Variants in ABLIM1 observed in about 807,000 individuals in gnomAD.
The protein encoded by ABLIM1 is actin-binding LIM protein 1.
ABLIM1 carries 40 observed loss-of-function variants against 107.0 expected under a neutral mutation model. That is an observed-to-expected ratio of 0.37 (90% confidence interval 0.29 to 0.49). The LOEUF is 0.49. Ranked by LOEUF, ABLIM1 falls within the 20% of genes least tolerant of loss-of-function variation. The pLI is 0.97. For missense variants in ABLIM1, 857 were observed against 1,008.5 expected (o/e 0.85, Z 2.04); for synonymous variants, 357 against 357.3 (o/e 1.00, Z 0.01).
chr10:114,706,971 T>C (rs1300006570), intron 1 of ABLIM1, among the ~76,000 whole-genome samples: 1 of 152,192 alleles, frequency 6.6e-6, no homozygotes, highest in Admixed American at 6.5e-5. Flanking sequence ...TACAGAATGG[T>C]GTATTGTAGA....
At chr10:114,531,831 A>C (rs914308356) in intron 6 of ABLIM1, among the ~76,000 whole-genome samples, 2 of 150,876 alleles carry the variant, frequency 1.3e-5, no homozygotes, top group African/African-American at 4.9e-5. Context: ...ATTTAGCTTT[A>C]AGTGTGGCTT....
intron 4 of ABLIM1, among the ~76,000 whole-genome samples, chr10:114,548,265 A>G (rs901086346): frequency 6.6e-6 from 1 of 152,136 alleles, no homozygotes; most frequent in Non-Finnish European, 1.5e-5. Context: ...TTCCTTATCA[A>G]TCCAAACCAG....
intron 6 of ABLIM1, among the ~76,000 whole-genome samples, chr10:114,518,201 T>A (rs1174298554): frequency 1.3e-5 from 2 of 152,180 alleles, no homozygotes; most frequent in Non-Finnish European, 2.9e-5. Flanking sequence ...TACAGAACTC[T>A]ACATCCTATA....
At chr10:114,791,530 C>T in the ABLIM1 span, among the ~76,000 whole-genome samples, 3 of 151,322 alleles carry the variant, frequency 2.0e-5, no homozygotes, top group Non-Finnish European at 4.4e-5. Context: ...CCCAGCTACT[C>T]GGGAGGCTGA....
upstream of ABLIM1, among the ~76,000 whole-genome samples, chr10:114,686,365 T>C (rs1274847731): frequency 6.6e-6 from 1 of 151,730 alleles, no homozygotes; most frequent in African/African-American, 2.4e-5. Context: ...AAAAAAAAAT[T>C]AGGCAGGCAT....
At chr10:114,436,808 G>C (rs750320439) in intron 22 of ABLIM1, among the ~76,000 whole-genome samples, 3 of 152,044 alleles carry the variant, frequency 2.0e-5, no homozygotes, top group Non-Finnish European at 4.4e-5. Context: ...GTGGATGTCT[G>C]TTCTACTGAG....
rs1478295623 is a variant in ABLIM1, at chr10:114,437,741, T to TA, written c.2223+102_2223+103insT. 2.3e-5 allele frequency: 19 copies of TA among 841,412 alleles called. No homozygotes were observed. The African/African-American group carries it at 3.3e-4, about 15-fold the overall frequency. The allele number at this position is 841,412 out of a possible 1,614,324, so 52.1% of individuals were successfully genotyped here. A position where few individuals can be genotyped will look rare whatever the true frequency, so the allele number is the denominator to read the frequency against. ...TATGACATGAGGGTGATCTTTATAA[T>TA]TTTTTTTTGTTTTCACTGAAGAAAT... On this transcript the variant is annotated intron_variant, in intron 22 of 22. Coordinates refer to ENST00000533213, the MANE Select transcript of ABLIM1 (RefSeq NM_002313.7).
chr10:114,569,015 T>C (rs2071232603), intron 4 of ABLIM1, among the ~76,000 whole-genome samples: 1 of 152,180 alleles, frequency 6.6e-6, no homozygotes, highest in Admixed American at 6.5e-5. Flanking sequence ...CCTTAAAAGA[T>C]ATCATGCTTC....
intron 1 of ABLIM1, among the ~76,000 whole-genome samples, chr10:114,725,380 T>G (rs1284349202): frequency 6.6e-6 from 1 of 152,150 alleles, no homozygotes; most frequent in East Asian, 1.9e-4. Flanking sequence ...GAGCTGGGTT[T>G]TATAAAATGT....
chr10:114,661,757 T>C (rs891434130), upstream of ABLIM1, among the ~76,000 whole-genome samples: 3 of 152,194 alleles, frequency 2.0e-5, no homozygotes, highest in Non-Finnish European at 2.9e-5. Flanking sequence ...TTCCTAATCT[T>C]TCTAGAAGCA....
At chr10:114,681,358 G>C (rs1048719038) in intron 1 of ABLIM1, among the ~76,000 whole-genome samples, 2 of 152,078 alleles carry the variant, frequency 1.3e-5, no homozygotes, top group African/African-American at 2.4e-5. Context: ...ACCATGCCTG[G>C]CTAATTTTGT....
chr10:114,581,011 T>C (rs1591370880), intron 2 of ABLIM1, among the ~76,000 whole-genome samples: 1 of 152,306 alleles, frequency 6.6e-6, no homozygotes. Context: ...AATCCTGCCC[T>C]TTTTTGCCAC....
At chr10:114,618,137 C>T (rs11196806) in intron 1 of ABLIM1, among the ~76,000 whole-genome samples, 14,009 of 152,170 alleles carry the variant, frequency 0.092, 821 homozygotes, top group South Asian at 0.13. Context: ...GGTGAAGATT[C>T]GGCTCTTACC....
At chr10:114,512,918 GAGAA>G (rs780311832) in intron 6 of ABLIM1, among the ~76,000 whole-genome samples, 9 of 145,258 alleles carry the variant, frequency 6.2e-5, no homozygotes, top group African/African-American at 2.0e-4. Flanking sequence ...GAAAGAAAGA[GAGAA>G]AGAAAGAGAG....
intron 8 of ABLIM1, among the ~76,000 whole-genome samples, chr10:114,483,973 T>C (rs1399024732): frequency 6.6e-6 from 1 of 152,202 alleles, no homozygotes; most frequent in African/African-American, 2.4e-5. Context: ...GCCGGGCTGG[T>C]TGAGTCCTCT....
intron 1 of ABLIM1, among the ~76,000 whole-genome samples, chr10:114,640,564 C>A (rs9421194): frequency 0.02 from 2,984 of 151,850 alleles, 89 homozygotes; most frequent in African/African-American, 0.068. Flanking sequence ...ACAACAACAA[C>A]AAAAAACAGT....
chr10:114,453,625 T>C (rs1217031751), intron 12 of ABLIM1, 142 bp from the exon 13 acceptor site: 3 of 727,202 alleles, frequency 4.1e-6, no homozygotes, highest in Non-Finnish European at 2.2e-6. Flanking sequence ...AAACTCAATT[T>C]ATCAACTTGA....
chr10:114,597,034 G>A (rs914663852), intron 2 of ABLIM1, among the ~76,000 whole-genome samples: 15 of 152,178 alleles, frequency 9.9e-5, no homozygotes, highest in African/African-American at 3.6e-4. Flanking sequence ...CACTCAGCCA[G>A]GTCTTGACCA....
intron 6 of ABLIM1, among the ~76,000 whole-genome samples, chr10:114,498,868 GA>G (rs1217931906): frequency 1.3e-5 from 2 of 152,232 alleles, no homozygotes; most frequent in Non-Finnish European, 2.9e-5. Context: ...TGTCACTACA[GA>G]AGGTAGGTTT....
Sources: gnomAD v4.1 joint callset for allele counts (sites outside exome capture counted in the v4.1 genomes callset) on GRCh38, gnomAD v4.1.1 for gene constraint, MANE v1.5 for transcripts, NCBI Gene and HGNC (gene_info 2026-07-23, HGNC 2026-07-21) for gene names.